The following DZANK1 variants were observed in gnomAD, a reference collection of about 807,000 sequenced individuals.
The protein encoded by DZANK1 is double zinc ribbon and ankyrin repeat domains 1, also known as double zinc ribbon and ankyrin repeat-containing protein 1.
Under a neutral mutation model 94.5 loss-of-function variants are expected in DZANK1, and 91 were observed. The ratio of observed to expected loss-of-function variants is 0.96; its 90% CI spans 0.81 to 1.15. The LOEUF (loss-of-function observed/expected upper bound fraction) is 1.15, where lower values mean the gene tolerates loss of function less well. DZANK1 is among the 50% of genes most tolerant of loss of function. The probability of loss-of-function intolerance (pLI) is 0.00; values close to 1 mark genes in which losing one functional copy is unlikely to be tolerated. For synonymous variants in DZANK1, 312 were observed against 325.3 expected, an observed-to-expected ratio of 0.96 and a Z score of 0.44; for missense variants, 903 against 916.4, an observed-to-expected ratio of 0.99 and a Z score of 0.19.
chr20:18,456,036 G>C (rs1487182196), intron 3 of DZANK1, among the ~76,000 whole-genome samples: 1 of 152,184 alleles, frequency 6.6e-6, no homozygotes, highest in African/African-American at 2.4e-5. Flanking sequence ...GGTTACAAAA[G>C]GGCATAAATT....
chr20:18,446,909 C>T (rs764193263), intron 7 of DZANK1, among the ~76,000 whole-genome samples: 9 of 152,144 alleles, frequency 5.9e-5, no homozygotes, highest in Non-Finnish European at 1.3e-4. Flanking sequence ...CCCCAACATC[C>T]CTTATGCAAA....
chr20:18,401,914 C>T (rs1195627335), intron 13 of DZANK1, among the ~76,000 whole-genome samples: 3 of 152,166 alleles, frequency 2.0e-5, no homozygotes, highest in East Asian at 1.9e-4. Context: ...GAGAAACAGC[C>T]TCTTCCTCCT....
intron 7 of DZANK1, 23 bp from the exon 8 acceptor site, chr20:18,443,487 T>C (rs749658591): frequency 2.9e-5 from 39 of 1,347,456 alleles, no homozygotes; most frequent in South Asian, 1.9e-4. Flanking sequence ...AGGTTCCCGA[T>C]TGGCCATGTT....
intron 10 of DZANK1, among the ~76,000 whole-genome samples, chr20:18,416,843 C>A (rs141441244): frequency 2.6e-5 from 4 of 152,264 alleles, no homozygotes; most frequent in African/African-American, 7.2e-5. Context: ...TCAGAACTTA[C>A]ATTTCAATTA....
intron 8 of DZANK1, among the ~76,000 whole-genome samples, chr20:18,443,083 C>T (rs1043067156): frequency 6.6e-6 from 1 of 152,126 alleles, no homozygotes; most frequent in Admixed American, 6.6e-5. Context: ...GAGTAGGAAA[C>T]ATTTATTTAT....
At chr20:18,428,240 G>A (rs1218944275) in intron 9 of DZANK1, among the ~76,000 whole-genome samples, 6 of 150,994 alleles carry the variant, frequency 4.0e-5, no homozygotes, top group Non-Finnish European at 7.4e-5. Flanking sequence ...CCAGGCTGGC[G>A]TGCAGTGGCG....
chr20:18,390,412 T>TCCTTCCCCCGTGGGTCCGACTTC lies in DZANK1; in HGVS notation c.1834_1856dup (p.Arg620LysfsTer12). ...GCAGCTGTTCAATCACAGAGACTCT[T>TCCTTCCCCCGTGGGTCCGACTTC]CCTTCCCCCGTGGGTCCGACTTCCT... On this transcript the variant is annotated frameshift_variant, in exon 18 of 21. Coordinates refer to ENST00000262547, the Ensembl canonical transcript of DZANK1. LOFTEE classifies it high-confidence loss of function. 1 of 1,613,982 alleles carries TCCTTCCCCCGTGGGTCCGACTTC rather than the reference T, an allele frequency of 6.2e-7. No homozygotes were observed. The highest frequency in any genetic ancestry group is 1.1e-5 in the South Asian group (1 of 91,082).
At chr20:18,464,172 C>T (rs1735298489) in intron 2 of DZANK1, among the ~76,000 whole-genome samples, 1 of 151,880 alleles carries the variant, frequency 6.6e-6, no homozygotes, top group South Asian at 2.1e-4. Flanking sequence ...CTCCTGGCTT[C>T]AAGCAATTCT....
intron 5 of DZANK1, 125 bp downstream of exon 5, chr20:18,453,606 C>G (rs766914655): frequency 2.1e-5 from 14 of 681,154 alleles, no homozygotes; most frequent in Non-Finnish European, 2.8e-5. Context: ...GTACAGCATA[C>G]TTTCCTGCCC....
At chr20:18,390,421 C>T (rs373999609) in exon 18 of DZANK1, 21 of 1,613,956 alleles carry the variant, frequency 1.3e-5, no homozygotes, top group Admixed American at 3.3e-5. Context: ...TTCCTTCCCC[C>T]GTGGGTCCGA....
At chr20:18,392,444 C>A (rs538796231) in intron 17 of DZANK1, among the ~76,000 whole-genome samples, 1 of 152,188 alleles carries the variant, frequency 6.6e-6, no homozygotes, top group South Asian at 2.1e-4. Flanking sequence ...ACTGACAAGG[C>A]GGCGTTGAGG....
chr20:18,392,922 T>C (rs994285765), intron 17 of DZANK1, among the ~76,000 whole-genome samples: 6 of 152,224 alleles, frequency 3.9e-5, no homozygotes, highest in Non-Finnish European at 7.3e-5. Context: ...GGGCGTAGCC[T>C]GAATGCATGA....
chr20:18,432,063 T>C (rs996512627), intron 9 of DZANK1, among the ~76,000 whole-genome samples: 2 of 152,212 alleles, frequency 1.3e-5, no homozygotes, highest in African/African-American at 4.8e-5. Context: ...CCTGTGTTTA[T>C]TCTCAATATA....
chr20:18,430,448 C>T (rs1249063979), intron 9 of DZANK1, among the ~76,000 whole-genome samples: 1 of 152,160 alleles, frequency 6.6e-6, no homozygotes, highest in Non-Finnish European at 1.5e-5. Context: ...TGTAGTAGCT[C>T]TTCTTGATAA....
At chr20:18,451,019 C>A (rs948976880) in intron 6 of DZANK1, among the ~76,000 whole-genome samples, 1 of 152,174 alleles carries the variant, frequency 6.6e-6, no homozygotes, top group Non-Finnish European at 1.5e-5. Context: ...AATCTTGGCT[C>A]ACTGCAACCT....
At chr20:18,408,979 C>G (rs1043643059) in intron 13 of DZANK1, among the ~76,000 whole-genome samples, 2 of 151,914 alleles carry the variant, frequency 1.3e-5, no homozygotes, top group Non-Finnish European at 2.9e-5. Context: ...TACAATAACA[C>G]TAAAGAGAAA....
At chr20:18,383,952 T>G (rs1289010063) in exon 21 of DZANK1, 1 of 156,622 alleles carries the variant, frequency 6.4e-6, no homozygotes, top group Admixed American at 6.1e-5. Flanking sequence ...TGGCTTATAC[T>G]GTCATATGAT....
intron 9 of DZANK1, among the ~76,000 whole-genome samples, chr20:18,430,808 T>C (rs2058253354): frequency 6.6e-6 from 1 of 152,118 alleles, no homozygotes; most frequent in Admixed American, 6.6e-5. Context: ...AGTGAGATCC[T>C]GTCTCAAAAA....
At chr20:18,422,772 AG>A (rs1470424597) in intron 10 of DZANK1, among the ~76,000 whole-genome samples, 1 of 148,886 alleles carries the variant, frequency 6.7e-6, no homozygotes, top group Non-Finnish European at 1.5e-5. Flanking sequence ...ATAGTAGCTC[AG>A]GAAGTGTGAT....
Sources: gnomAD v4.1 joint callset for allele counts (sites outside exome capture counted in the v4.1 genomes callset) on GRCh38, gnomAD v4.1.1 for gene constraint, MANE v1.5 for transcripts, NCBI Gene and HGNC (gene_info 2026-07-23, HGNC 2026-07-21) for gene names.